The following ABCA5 variants were observed in gnomAD, a reference collection of about 807,000 sequenced individuals.
ABCA5 encodes the protein cholesterol transporter ABCA5.
A neutral mutation model predicts 206.0 loss-of-function variants in ABCA5; 163 were observed. The ratio of observed to expected loss-of-function variants is 0.79; its 90% CI spans 0.70 to 0.90. ABCA5 has a LOEUF of 0.90. Ranked by LOEUF, ABCA5 falls within the 40% of genes least tolerant of loss-of-function variation. The probability of loss-of-function intolerance (pLI) is 0.00; values close to 1 mark genes in which losing one functional copy is unlikely to be tolerated. For synonymous variants in ABCA5, 609 were observed against 613.8 expected (o/e 0.99, Z 0.11); for missense variants, 1,859 against 1,912.9 (o/e 0.97, Z 0.53).
At chr17:69,320,979 G>C (rs1274277190) in intron 1 of ABCA5, among the ~76,000 whole-genome samples, 1 of 152,078 alleles carries the variant, frequency 6.6e-6, no homozygotes, top group African/African-American at 2.4e-5. Context: ...TGTCCTTTGG[G>C]GAGAAGACAG....
chr17:69,291,187 T>TC, intron 12 of ABCA5, 29 bp downstream of exon 12: 1 of 1,359,802 alleles, frequency 7.4e-7, no homozygotes, highest in South Asian at 1.4e-5. Flanking sequence ...TATAATGAAG[T>TC]TTTTTTTTCT....
intron 6 of ABCA5, 76 bp from the exon 7 acceptor site, chr17:69,304,886 T>A (rs972718347): frequency 3.1e-6 from 4 of 1,297,050 alleles, no homozygotes; most frequent in Non-Finnish European, 3.1e-6. Context: ...TAAACAAAAT[T>A]TTTAGATTTT....
In ABCA5 at chr17:69,260,352, C is replaced by CTGAAAGCCTA; in HGVS notation, c.3615_3624dup (p.Val1209Ter). The CTGAAAGCCTA allele has an allele frequency of 5.0e-6, 8 of 1,605,832 alleles. No homozygotes were observed. The highest frequency in any genetic ancestry group is 6.8e-6 in the Non-Finnish European group (8 of 1,175,122). On this transcript the variant is annotated stop_gained and frameshift_variant, in exon 27 of 39. Coordinates refer to ENST00000392676, the MANE Select transcript of ABCA5 (RefSeq NM_172232.4). LOFTEE classifies it high-confidence loss of function. ...TTATTTCTTACCGATATAACAGCTA[C>CTGAAAGCCTA]TGAAAGCCTATCCCATGGATTATAG... is the stretch of plus-strand genomic sequence containing the variant.
At chr17:69,291,372 T>A (rs1430695737) in intron 11 of ABCA5, 46 bp from the exon 12 acceptor site, 5 of 1,188,966 alleles carry the variant, frequency 4.2e-6, no homozygotes, top group African/African-American at 1.5e-5. Flanking sequence ...TTATGTCTGT[T>A]CAGCTATGCA....
In ABCA5 at chr17:69,254,502, C is replaced by A. The variant is rs761173305; in HGVS notation, c.4069-12G>T. 1.9e-6 allele frequency: 3 copies of A among 1,603,478 alleles called. No individual in the cohort carries two copies. Among genetic ancestry groups the A allele is most frequent in the Non-Finnish European group, 2.6e-6 (3 of 1,175,560 alleles). ...TCTCCTAAAAATACCTATAGAAACA[C>A]AAACCAATTTTTATTATTTTGCTTA... On this transcript the variant is annotated splice_polypyrimidine_tract_variant and intron_variant, in intron 31 of 38. Transcript: ENST00000392676.
chr17:69,288,719 G>GAAGA (rs147123123), intron 14 of ABCA5, among the ~76,000 whole-genome samples: 165 of 145,266 alleles, frequency 1.1e-3, no homozygotes, highest in African/African-American at 3.4e-3. Flanking sequence ...AAAAAAAAAA[G>GAAGA]AAGAAAGAAA....
At chr17:69,320,679 A>G (rs537081460) in intron 1 of ABCA5, among the ~76,000 whole-genome samples, 1 of 152,214 alleles carries the variant, frequency 6.6e-6, no homozygotes, top group African/African-American at 2.4e-5. Context: ...CTAAAACAGA[A>G]ACTTCAAAGC....
chr17:69,302,659 G>A (rs2075664018), intron 8 of ABCA5, 59 bp downstream of exon 8: 1 of 1,225,096 alleles, frequency 8.2e-7, no homozygotes, highest in Non-Finnish European at 1.1e-6. Context: ...GGTAGTATAA[G>A]AAGCTACATA....
At chr17:69,292,545 G>A (rs573878590) in intron 11 of ABCA5, among the ~76,000 whole-genome samples, 126 of 152,246 alleles carry the variant, frequency 8.3e-4, no homozygotes, top group African/African-American at 2.9e-3. Flanking sequence ...TGTGTCAACT[G>A]CAAATAATTT....
intron 20 of ABCA5, 127 bp from the exon 21 acceptor site, chr17:69,271,416 T>G (rs2075272528): frequency 3.8e-6 from 4 of 1,054,590 alleles, no homozygotes; most frequent in Non-Finnish European, 3.9e-6. Context: ...GTAAGTACAT[T>G]GGCTCTGAAG....
At chr17:69,323,033 A>T (rs1321906848) in intron 1 of ABCA5, among the ~76,000 whole-genome samples, 1 of 152,196 alleles carries the variant, frequency 6.6e-6, no homozygotes, top group African/African-American at 2.4e-5. Flanking sequence ...ACCTAAGCAG[A>T]TGTAACAGAA....
Position 69,250,515 on chromosome 17 carries a change from T to C in ABCA5, c.4642A>G (p.Arg1548Gly). The C allele has an allele frequency of 6.2e-7, 1 of 1,605,314 alleles. No individual in the cohort carries two copies. The highest frequency in any genetic ancestry group is 8.5e-7 in the Non-Finnish European group (1 of 1,177,158). Residue 1548 changes from arginine (R) to glycine (G), a missense_variant, in exon 36 of 39, where the codon AGA becomes GGA. Coordinates refer to ENST00000392676, the MANE Select transcript of ABCA5 (RefSeq NM_172232.4). ...IENLEVDRLQREIQYIFPNAS... is the reference protein window; with the variant it reads ...IENLEVDRLQGEIQYIFPNAS... ...TTTGGGAAAATATACTGAATTTCTC[T>C]TTGAAGGCGGTCTACTTCTAGGTTT...
rs2074962203 is a variant in ABCA5, at chr17:69,247,326, A to G, written c.*211T>C. The G allele has an allele frequency of 1.1e-5, 5 of 462,724 alleles. No homozygotes were observed. Among genetic ancestry groups the G allele is most frequent in the Non-Finnish European group, 1.9e-5 (5 of 263,088 alleles). 28.7% of individuals were successfully genotyped at this position (462,724 alleles called of 1,614,324 possible). On this transcript the variant is annotated 3_prime_UTR_variant, in exon 39 of 39. Transcript: ENST00000392676. ...AAACTATATAGTTCAATATACTTCA[A>G]TACAAACATGCAGCTTCACTTAATT...
Position 69,253,568 on chromosome 17 carries a change from C to T in ABCA5, c.4415+5G>A. On this transcript the variant is annotated splice_donor_5th_base_variant and intron_variant, in intron 34 of 38. Coordinates refer to ENST00000392676, the MANE Select transcript of ABCA5 (RefSeq NM_172232.4). Reference sequence around the variant, plus strand: ...CATGTACTGTGTCACAAGTACCATACTCACCACATGTGCTGTTTGGCTTTG... The same window carrying T: ...CATGTACTGTGTCACAAGTACCATATTCACCACATGTGCTGTTTGGCTTTG... 2.5e-6 allele frequency: 4 copies of T among 1,603,542 alleles called. No homozygotes were observed. Among genetic ancestry groups the T allele is most frequent in the Non-Finnish European group, 3.4e-6 (4 of 1,170,506 alleles).
At chr17:69,258,079 G>C (rs987380715) in intron 28 of ABCA5, among the ~76,000 whole-genome samples, 1 of 151,892 alleles carries the variant, frequency 6.6e-6, no homozygotes, top group African/African-American at 2.4e-5. Flanking sequence ...AAAAGAAAGA[G>C]ATAAGAAGGT....
intron 23 of ABCA5, among the ~76,000 whole-genome samples, chr17:69,266,010 G>A (rs536318202): frequency 1.1e-4 from 16 of 152,158 alleles, no homozygotes; most frequent in Admixed American, 7.2e-4. Context: ...AGCCAAAAAC[G>A]GAAAACAATC....
intron 11 of ABCA5, 131 bp downstream of exon 11, chr17:69,294,524 A>T (rs1030862784): frequency 1.1e-6 from 1 of 893,544 alleles, no homozygotes; most frequent in Non-Finnish European, 1.7e-6. Flanking sequence ...TCCATCTCAA[A>T]AAAAATAAAA....
chr17:69,261,219 A>T lies in ABCA5; in HGVS notation c.3470T>A (p.Phe1157Tyr). The T allele has an allele frequency of 1.9e-6, 3 of 1,608,712 alleles. No homozygotes were observed. Among genetic ancestry groups the T allele is most frequent in the Non-Finnish European group, 2.5e-6 (3 of 1,177,390 alleles). ...ACIAITEITFFMGYTIATILH... is the reference protein window; with the variant it reads ...ACIAITEITFYMGYTIATILH... The stretch of plus-strand genomic sequence containing the variant: ...AATAGTTGCAATTGTGTATCCCATA[A>T]AGAAAGTTATTTCAGTGATTGCAAT... Residue 1157 changes from phenylalanine to tyrosine, a missense_variant, in exon 26 of 39, where the codon TTT (phenylalanine) becomes TAT (tyrosine). Phe to Tyr is a conservative substitution (Grantham distance 22, BLOSUM62 3). Coordinates refer to ENST00000392676, the MANE Select transcript of ABCA5 (RefSeq NM_172232.4).
chr17:69,314,620 G>C, intron 1 of ABCA5, 190 bp from the exon 2 acceptor site: 1 of 490,138 alleles, frequency 2.0e-6, no homozygotes. Context: ...AGTAAACAAG[G>C]CATGTGAAAT....
Sources: allele counts gnomAD v4.1 joint callset (sites outside exome capture counted in the v4.1 genomes callset), GRCh38; gene constraint gnomAD v4.1.1; transcripts MANE v1.5; gene names NCBI Gene and HGNC (gene_info 2026-07-23, HGNC 2026-07-21).